The following PCDH11X variants were observed in gnomAD, a reference collection of about 807,000 sequenced individuals.
PCDH11X encodes protocadherin-11 X-linked.
A neutral mutation model predicts 53.3 loss-of-function variants in PCDH11X; 18 were observed. That is an observed-to-expected ratio of 0.34 (90% CI 0.23 to 0.50). PCDH11X has a LOEUF of 0.50. Ranked by LOEUF, PCDH11X falls within the 20% of genes least tolerant of loss-of-function variation. The pLI, the probability that PCDH11X is intolerant of heterozygous loss-of-function variation, is 0.98. For missense variants in PCDH11X, 570 were observed against 1,032.4 expected (o/e 0.55, Z 6.14); for synonymous variants, 279 against 393.3 (o/e 0.71, Z 3.44).
intron 6 of PCDH11X, among the ~76,000 whole-genome samples, chrX:91,909,113 G>A (rs1228863795): frequency 9.0e-6 from 1 of 110,861 alleles, no homozygotes; most frequent in Non-Finnish European, 1.9e-5. Context: ...TGTTATAAGA[G>A]TTATTTTTAC....
chrX:92,080,922 C>G (rs896456678), intron 6 of PCDH11X, among the ~76,000 whole-genome samples: 4 of 110,884 alleles, frequency 3.6e-5, no homozygotes, highest in African/African-American at 1.3e-4. Flanking sequence ...TCTCAGTTTC[C>G]TGTTCTTGGT....
chrX:92,494,938 G>C, intron 10 of PCDH11X, among the ~76,000 whole-genome samples: 1 of 91,641 alleles, frequency 1.1e-5, no homozygotes, highest in Non-Finnish European at 2.2e-5. Context: ...CTATAGCCAA[G>C]TAAATTCATG....
At chrX:92,071,111 G>A (rs976883457) in intron 6 of PCDH11X, among the ~76,000 whole-genome samples, 43 of 108,888 alleles carry the variant, frequency 3.9e-4, no homozygotes, top group African/African-American at 1.5e-3. Context: ...GGCAAGGCCA[G>A]TAACTCTTAT....
rs1380629588 is a variant in PCDH11X at position 92,096,927 on chromosome X, T to C, written c.3034-104448T>C. ...TGTACAAAGTATGTGTATGGATGAA[T>C]ATATGGGAAAAGTTAGGATTAAAGT... On this transcript the variant is annotated intron_variant, in intron 6 of 10. Coordinates refer to ENST00000682573, the MANE Select transcript of PCDH11X (RefSeq NM_032968.5). 4.5e-5 allele frequency among the ~76,000 whole-genome samples: 5 copies of C among 111,326 alleles called. No homozygotes were observed. In the Admixed American group the frequency reaches 4.8e-4, roughly 11 times the overall value.
At chrX:91,910,722 A>C (rs927101014) in intron 6 of PCDH11X, among the ~76,000 whole-genome samples, 2 of 111,687 alleles carry the variant, frequency 1.8e-5, no homozygotes, top group Admixed American at 1.9e-4. Flanking sequence ...ATTTTCCAAC[A>C]TGATTGTCTA....
At chrX:92,536,893 G>T (rs753568847) in intron 10 of PCDH11X, among the ~76,000 whole-genome samples, 4 of 110,141 alleles carry the variant, frequency 3.6e-5, no homozygotes, top group Non-Finnish European at 7.6e-5. Flanking sequence ...ATTTTAACTG[G>T]GGTAAGATAA....
At chrX:92,339,238 C>A (rs374246650) in intron 8 of PCDH11X, among the ~76,000 whole-genome samples, 268 of 111,584 alleles carry the variant, frequency 2.4e-3, no homozygotes, top group Middle Eastern at 4.6e-3. Flanking sequence ...GAAATTAGAC[C>A]GCCATCTGTC....
Position 91,838,154 on chromosome X carries a change from T to C in PCDH11X, c.540+2110T>C, listed in dbSNP as rs779262278. Among the ~76,000 whole-genome samples the C allele has an allele frequency of 2.7e-5, 3 of 111,803 alleles. No homozygotes were observed. In the East Asian group the frequency reaches 8.5e-4, roughly 32 times the overall value. Reference sequence around the variant, plus strand: ...CTCCCTTAGGGCAGCTTAATGAACTTCCAAGAAATTTCTGATTTGTCTTGA... The same window carrying C: ...CTCCCTTAGGGCAGCTTAATGAACTCCCAAGAAATTTCTGATTTGTCTTGA... On this transcript the variant is annotated intron_variant, in intron 5 of 10. Coordinates refer to ENST00000682573, the MANE Select transcript of PCDH11X (RefSeq NM_032968.5).
chrX:92,014,633 G>C (rs1359642869), intron 6 of PCDH11X, among the ~76,000 whole-genome samples: 2 of 111,100 alleles, frequency 1.8e-5, no homozygotes, highest in African/African-American at 6.5e-5. Context: ...TTGGAACAAA[G>C]CCAAATGTTC....
At chrX:91,980,958 T>TATATATATATATATACACTGA (rs1569290290) in intron 6 of PCDH11X, among the ~76,000 whole-genome samples, 5 of 87,801 alleles carry the variant, frequency 5.7e-5, no homozygotes, top group African/African-American at 1.9e-4. Flanking sequence ...TATATATGTA[T>TATATATATATATATACACTGA]ATATATATAT....
intron 10 of PCDH11X, among the ~76,000 whole-genome samples, chrX:92,526,998 A>C (rs1344895107): frequency 8.1e-5 from 9 of 111,732 alleles, no homozygotes; most frequent in Middle Eastern, 4.7e-3. Flanking sequence ...TATGGAACTG[A>C]AGATCATTAT....
chrX:92,305,933 C>A (rs1384342984), intron 8 of PCDH11X, among the ~76,000 whole-genome samples: 1 of 106,243 alleles, frequency 9.4e-6, no homozygotes, highest in East Asian at 3.0e-4. Context: ...TGGCAGTGAA[C>A]AGGTTTTGTG....
At chrX:92,274,565 C>G (rs1251475700) in intron 8 of PCDH11X, among the ~76,000 whole-genome samples, 3 of 111,196 alleles carry the variant, frequency 2.7e-5, no homozygotes, top group Admixed American at 9.6e-5. Context: ...TGACTCCGGA[C>G]ATGTTGAGTA....
chrX:92,230,385 AT>A (rs1368495876), intron 7 of PCDH11X, among the ~76,000 whole-genome samples: 1 of 95,217 alleles, frequency 1.1e-5, no homozygotes, highest in African/African-American at 3.8e-5. Flanking sequence ...GTATGTCTCG[AT>A]TTTGCCCTAA....
intron 6 of PCDH11X, among the ~76,000 whole-genome samples, chrX:91,963,319 A>C (rs2147892255): frequency 9.0e-6 from 1 of 110,715 alleles, no homozygotes; most frequent in South Asian, 3.9e-4. Flanking sequence ...TACTACTTAC[A>C]GATTTCTTTT....
At chrX:92,540,788 G>T (rs1222224874) in intron 10 of PCDH11X, among the ~76,000 whole-genome samples, 1 of 106,742 alleles carries the variant, frequency 9.4e-6, no homozygotes, top group Non-Finnish European at 1.9e-5. Context: ...TATCAGAAGT[G>T]TTTTTTTCCC....
At chrX:92,094,175 G>A (rs6618851) in intron 6 of PCDH11X, among the ~76,000 whole-genome samples, 29,199 of 89,158 alleles carry the variant, frequency 0.33, 4,498 homozygotes, top group African/African-American at 0.61. Context: ...GTGTGTGTGT[G>A]TATATATATA....
At chrX:92,138,968 C>A (rs768361526) in intron 6 of PCDH11X, among the ~76,000 whole-genome samples, 1 of 108,549 alleles carries the variant, frequency 9.2e-6, no homozygotes, top group South Asian at 4.0e-4. Context: ...GTACACAACA[C>A]ATTTTAATTT....
At chrX:92,326,573 C>G (rs1193961952) in intron 8 of PCDH11X, among the ~76,000 whole-genome samples, 2 of 74,568 alleles carry the variant, frequency 2.7e-5, no homozygotes, top group Non-Finnish European at 4.8e-5. Flanking sequence ...ATTTTGTGCC[C>G]TTTATTATGT....
Sources: gnomAD v4.1 joint callset for allele counts (sites outside exome capture counted in the v4.1 genomes callset) on GRCh38, gnomAD v4.1.1 for gene constraint, MANE v1.5 for transcripts, NCBI Gene and HGNC (gene_info 2026-07-23, HGNC 2026-07-21) for gene names.